The following C1orf21 variants were observed in gnomAD, a reference collection of about 807,000 sequenced individuals.
C1orf21 encodes the protein uncharacterized protein C1orf21.
C1orf21 carries 3 observed loss-of-function variants against 18.7 expected under a neutral mutation model. The ratio of observed to expected loss-of-function variants is 0.16; its 90% CI spans 0.07 to 0.42. The LOEUF (loss-of-function observed/expected upper bound fraction) is 0.42, where lower values mean the gene tolerates loss of function less well. Ranked by LOEUF, C1orf21 falls within the 10% of genes least tolerant of loss-of-function variation. The probability of loss-of-function intolerance (pLI) is 0.99; values close to 1 mark genes in which losing one functional copy is unlikely to be tolerated. For missense variants in C1orf21, 104 were observed against 143.6 expected (o/e 0.72, Z 1.41); for synonymous variants, 41 against 46.4 (o/e 0.88, Z 0.47).
intron 1 of C1orf21, among the ~76,000 whole-genome samples, chr1:184,452,818 C>G (rs1042108849): frequency 6.6e-6 from 1 of 152,094 alleles, no homozygotes; most frequent in Non-Finnish European, 1.5e-5. Context: ...TGAGCTCTCT[C>G]TGTCTTTCTT....
At chr1:184,421,297 G>T (rs531252665) in intron 1 of C1orf21, among the ~76,000 whole-genome samples, 1 of 152,182 alleles carries the variant, frequency 6.6e-6, no homozygotes, top group African/African-American at 2.4e-5. Context: ...TAGAAATGGG[G>T]GTCTCACTGT....
chr1:184,490,812 G>A (rs547315367), intron 2 of C1orf21, among the ~76,000 whole-genome samples: 19 of 151,944 alleles, frequency 1.3e-4, no homozygotes, highest in African/African-American at 2.4e-4. Context: ...AGATGAGACC[G>A]TTTACCAGGA....
At chr1:184,456,623 C>T (rs1657202120) in intron 1 of C1orf21, among the ~76,000 whole-genome samples, 1 of 148,190 alleles carries the variant, frequency 6.7e-6, no homozygotes, top group Admixed American at 6.6e-5. Flanking sequence ...TCTTTAGAAA[C>T]AGTTATGATA....
chr1:184,584,841 T>C (rs1659330635), intron 3 of C1orf21, among the ~76,000 whole-genome samples: 2 of 152,216 alleles, frequency 1.3e-5, no homozygotes, highest in Admixed American at 1.3e-4. Flanking sequence ...TTGTGTGATT[T>C]CATGACATGA....
At chr1:184,612,527 A>G (rs745837445) in intron 5 of C1orf21, among the ~76,000 whole-genome samples, 1 of 152,208 alleles carries the variant, frequency 6.6e-6, no homozygotes, top group Non-Finnish European at 1.5e-5. Context: ...GGAGTTTGAG[A>G]CTAGCCTGGC....
chr1:184,518,345 T>A (rs1447111378), intron 3 of C1orf21, among the ~76,000 whole-genome samples: 3 of 152,224 alleles, frequency 2.0e-5, no homozygotes, highest in Non-Finnish European at 2.9e-5. Flanking sequence ...CAAATTATAA[T>A]GATTATTGTT....
At chr1:184,454,760 T>G (rs1657172999) in intron 1 of C1orf21, among the ~76,000 whole-genome samples, 1 of 152,102 alleles carries the variant, frequency 6.6e-6, no homozygotes, top group African/African-American at 2.4e-5. Flanking sequence ...CCCTAGAAGG[T>G]GGGCATGTGC....
At chr1:184,512,339 A>T (rs972017941) in intron 3 of C1orf21, among the ~76,000 whole-genome samples, 4 of 152,204 alleles carry the variant, frequency 2.6e-5, no homozygotes, top group African/African-American at 9.7e-5. Context: ...TTTTTGGCCT[A>T]TAGTTAAGTG....
At chr1:184,441,488 A>T (rs1656944585) in intron 1 of C1orf21, among the ~76,000 whole-genome samples, 2 of 152,202 alleles carry the variant, frequency 1.3e-5, no homozygotes, top group Admixed American at 6.5e-5. Context: ...AACCTAAAGG[A>T]ACATTTTTGC....
intron 1 of C1orf21, among the ~76,000 whole-genome samples, chr1:184,465,752 A>G (rs1169960634): frequency 1.3e-5 from 2 of 152,198 alleles, no homozygotes; most frequent in African/African-American, 4.8e-5. Context: ...ATAGAATGTG[A>G]TCAGATCCTC....
intron 1 of C1orf21, among the ~76,000 whole-genome samples, chr1:184,417,945 C>G (rs1444328192): frequency 6.6e-6 from 1 of 152,218 alleles, no homozygotes; most frequent in Non-Finnish European, 1.5e-5. Context: ...GCTGACCTCC[C>G]TCTCCTTTCA....
intron 1 of C1orf21, among the ~76,000 whole-genome samples, chr1:184,399,810 G>A (rs954240738): frequency 3.0e-4 from 46 of 152,136 alleles, no homozygotes; most frequent in African/African-American, 1.1e-3. Context: ...TATTTAGTAA[G>A]GGTTATAAAA....
At chr1:184,600,645 G>A (rs760109528) in intron 5 of C1orf21, among the ~76,000 whole-genome samples, 27 of 152,268 alleles carry the variant, frequency 1.8e-4, no homozygotes, top group East Asian at 3.9e-4. Context: ...TTGATCATTC[G>A]TTGGATGGAA....
chr1:184,594,770 G>A (rs187716382), intron 4 of C1orf21, among the ~76,000 whole-genome samples: 2 of 152,312 alleles, frequency 1.3e-5, no homozygotes, highest in Admixed American at 1.3e-4. Flanking sequence ...GCTAAAGTAA[G>A]CATATTTTAG....
At chr1:184,554,846 G>A (rs1658857119) in intron 3 of C1orf21, among the ~76,000 whole-genome samples, 5 of 152,158 alleles carry the variant, frequency 3.3e-5, no homozygotes, top group Admixed American at 3.3e-4. Flanking sequence ...GAAGATTCTT[G>A]AAAATAGAAG....
chr1:184,511,044 G>A (rs1242791589), intron 3 of C1orf21, among the ~76,000 whole-genome samples: 20 of 152,176 alleles, frequency 1.3e-4, no homozygotes, highest in Admixed American at 1.3e-3. Flanking sequence ...CCAAGATTTA[G>A]ACCCGCTGGA....
chr1:184,537,939 G>A (rs966356524), intron 3 of C1orf21, among the ~76,000 whole-genome samples: 27 of 152,140 alleles, frequency 1.8e-4, no homozygotes, highest in Admixed American at 1.6e-3. Context: ...GTGAGCTACC[G>A]CACCTAGACC....
chr1:184,628,654 C>A lies in C1orf21; in HGVS notation c.*9098C>A, dbSNP rs1660056160. On this transcript the variant is annotated 3_prime_UTR_variant, in exon 6 of 6. Transcript: ENST00000235307. ...ACCCTAAAGGAGAGCTGTCCCTAGACAGTAGTGGCTACAGGTGCTAAGCAA... is the reference window on the plus strand; with the variant it reads ...ACCCTAAAGGAGAGCTGTCCCTAGAAAGTAGTGGCTACAGGTGCTAAGCAA... The A allele has an allele frequency of 6.6e-6, 1 of 152,558 alleles. No individual in the cohort carries two copies. The highest frequency in any genetic ancestry group is 2.4e-5 in the African/African-American group (1 of 41,428). The allele number at this position is 152,558 out of a possible 1,614,324, so 9.5% of individuals were successfully genotyped here.
chr1:184,598,045 A>G (rs1389031908), intron 4 of C1orf21, among the ~76,000 whole-genome samples: 2 of 152,064 alleles, frequency 1.3e-5, no homozygotes, highest in Admixed American at 1.3e-4. Flanking sequence ...TATTTTTTTC[A>G]ATACACTGTT....
Sources: gnomAD v4.1 joint callset for allele counts (sites outside exome capture counted in the v4.1 genomes callset) on GRCh38, gnomAD v4.1.1 for gene constraint, MANE v1.5 for transcripts, NCBI Gene and HGNC (gene_info 2026-07-23, HGNC 2026-07-21) for gene names.